WDR88: variants seen among roughly 807,000 people sequenced by gnomAD.
The protein encoded by WDR88 is WD repeat-containing protein 88.
A neutral mutation model predicts 46.8 loss-of-function variants in WDR88; 40 were observed. That is an observed-to-expected ratio of 0.86 (90% confidence interval 0.66 to 1.11). The LOEUF (loss-of-function observed/expected upper bound fraction) is 1.11, where lower values mean the gene tolerates loss of function less well. Among genes scored for constraint, WDR88 ranks in the 50% most tolerant of loss-of-function variants. WDR88 has a pLI of 0.00. For missense variants in WDR88, 562 were observed against 602.4 expected, an observed-to-expected ratio of 0.93 and a Z score of 0.70; for synonymous variants, 235 against 240.7, an observed-to-expected ratio of 0.98 and a Z score of 0.22.
At chr19:33,137,826 C>A (rs1248856198) in intron 2 of WDR88, 39 bp downstream of exon 2, 3 of 1,567,450 alleles carry the variant, frequency 1.9e-6, no homozygotes, top group South Asian at 2.2e-5. Context: ...GAGCGAAAAC[C>A]TTTCCTAAGC....
intron 9 of WDR88, among the ~76,000 whole-genome samples, chr19:33,167,219 A>C (rs552210740): frequency 6.6e-6 from 1 of 152,184 alleles, no homozygotes; most frequent in Non-Finnish European, 1.5e-5. Flanking sequence ...ATTTACCATG[A>C]CCAAGTGGGA....
chr19:33,175,388 C>T lies in WDR88; in HGVS notation c.1243-8C>T, dbSNP rs1974105605. On this transcript the variant is annotated splice_polypyrimidine_tract_variant and splice_region_variant and intron_variant, in intron 10 of 10. Coordinates refer to ENST00000355868, the MANE Select transcript of WDR88 (RefSeq NM_173479.4). ...TCCTTTCTGCTCTTTTAAAATATCC[C>T]ATGTCAGTGCGAAAGATGTGACAGG... 3 of 1,613,700 alleles carry T rather than the reference C, an allele frequency of 1.9e-6. No homozygotes were observed. The highest frequency in any genetic ancestry group is 2.5e-6 in the Non-Finnish European group (3 of 1,179,836).
intron 9 of WDR88, among the ~76,000 whole-genome samples, chr19:33,169,883 T>C (rs140269819): frequency 0.013 from 1,986 of 152,260 alleles, 51 homozygotes; most frequent in African/African-American, 0.045. Flanking sequence ...TATTTTATTT[T>C]ATTTTATTTT....
Position 33,151,323 on chromosome 19 carries a change from C to T in WDR88, c.809+13C>T, listed in dbSNP as rs1973630670. The T allele has an allele frequency of 1.9e-6, 3 of 1,609,752 alleles. No individual in the cohort carries two copies. Among genetic ancestry groups the T allele is most frequent in the African/African-American group, 2.7e-5 (2 of 74,840 alleles). On this transcript the variant is annotated intron_variant, in intron 6 of 10. Transcript: ENST00000355868. ...TCACCATCACTAAGTGAGTTGGACC[C>T]CAGGAGGCCAGAAGGGAGTTTGGGT...
intron 9 of WDR88, among the ~76,000 whole-genome samples, chr19:33,169,911 CTT>C (rs1050640010): frequency 2.2e-4 from 33 of 152,122 alleles, no homozygotes; most frequent in Admixed American, 7.9e-4. Flanking sequence ...GAGTTTCTCT[CTT>C]GTTGCCCAGG....
At chr19:33,161,251 T>TC (rs1568369091) in intron 8 of WDR88, among the ~76,000 whole-genome samples, 2 of 152,104 alleles carry the variant, frequency 1.3e-5, no homozygotes, top group Non-Finnish European at 2.9e-5. Flanking sequence ...CACAGAAAGC[T>TC]TGGGGTTCCA....
intron 3 of WDR88, among the ~76,000 whole-genome samples, chr19:33,146,115 G>T (rs1432135521): frequency 1.3e-5 from 2 of 152,006 alleles, no homozygotes; most frequent in African/African-American, 4.8e-5. Context: ...TGACCAACAT[G>T]GAGAAACCCC....
At chr19:33,172,476 T>C (rs974776170) in intron 10 of WDR88, 36 bp downstream of exon 10, 1 of 1,506,094 alleles carries the variant, frequency 6.6e-7, no homozygotes, top group Non-Finnish European at 9.2e-7. Context: ...AGTGAAGGCT[T>C]TCGTTAGTTC....
chr19:33,149,993 ATG>A (rs1973600599), intron 5 of WDR88, among the ~76,000 whole-genome samples: 1 of 152,016 alleles, frequency 6.6e-6, no homozygotes, highest in Non-Finnish European at 1.5e-5. Flanking sequence ...TAATTGTTGT[ATG>A]ACAGTTTCCT....
Position 33,151,224 on chromosome 19 carries a change from C to T in WDR88, c.723C>T (p.Asp241=), listed in dbSNP as rs749847617. ...TCACGTCATGCTGCTTTGACCCCGACAGCCAGAGGGTGGCTTCTGTCTCAT... is the reference window on the plus strand; with the variant it reads ...TCACGTCATGCTGCTTTGACCCCGATAGCCAGAGGGTGGCTTCTGTCTCAT... ...RSITSCCFDP[D]SQRVASVSLD... is the part of the protein sequence containing the mutation. Residue 241 remains aspartate (D), a synonymous_variant, in exon 6 of 11, where the codon GAC becomes GAT. Transcript: ENST00000355868. 6.2e-7 allele frequency: 1 copy of T among 1,613,886 alleles called. No homozygotes were observed. Among genetic ancestry groups the T allele is most frequent in the Admixed American group, 1.7e-5 (1 of 59,988 alleles).
At chr19:33,134,709 G>A (rs1267521314) in intron 1 of WDR88, among the ~76,000 whole-genome samples, 1 of 152,026 alleles carries the variant, frequency 6.6e-6, no homozygotes, top group Non-Finnish European at 1.5e-5. Context: ...AACTCCCCCG[G>A]AGAAAAGCCC....
chr19:33,163,364 T>C (rs576648016), intron 8 of WDR88, among the ~76,000 whole-genome samples: 1 of 150,602 alleles, frequency 6.6e-6, no homozygotes, highest in South Asian at 2.1e-4. Flanking sequence ...GGCATGGTGA[T>C]GGGCACCTGT....
At position 33,142,878 on chromosome 19, in the gene WDR88, A is replaced by AAAAAAAAAG. The variant is rs1289318961; in HGVS notation, c.388-1964_388-1963insAAAAAAGAA. On this transcript the variant is annotated intron_variant, in intron 2 of 10. Coordinates refer to ENST00000355868, the MANE Select transcript of WDR88 (RefSeq NM_173479.4). ...AAAAAAAAAAAAAAAAAAAAAAAAAAAAGGCCGGGGGGCGGGAATAACGTG... is the reference window on the plus strand; with the variant it reads ...AAAAAAAAAAAAAAAAAAAAAAAAAAAAAAAAAAGAAGGCCGGGGGGCGGGAATAACGTG... 61 of 142,948 alleles carry AAAAAAAAAG rather than the reference A, an allele frequency of 4.3e-4. 1 individual carries two copies. The highest frequency in any genetic ancestry group is 1.6e-3 in the African/African-American group (58 of 36,858). The allele number at this position is 142,948 out of a possible 1,614,324, so 8.9% of individuals were successfully genotyped here.
intron 7 of WDR88, among the ~76,000 whole-genome samples, chr19:33,159,292 C>A (rs1464491774): frequency 2.6e-5 from 4 of 151,470 alleles, no homozygotes; most frequent in Admixed American, 6.6e-5. Context: ...CTGATTGCAT[C>A]ACTGCACTCT....
intron 6 of WDR88, among the ~76,000 whole-genome samples, chr19:33,153,874 A>G (rs1376252213): frequency 6.6e-6 from 1 of 152,108 alleles, no homozygotes; most frequent in Non-Finnish European, 1.5e-5. Flanking sequence ...GCTGCTCTGA[A>G]GATATTTTTG....
At chr19:33,157,679 G>C in intron 7 of WDR88, among the ~76,000 whole-genome samples, 1 of 94,196 alleles carries the variant, frequency 1.1e-5, no homozygotes, top group East Asian at 8.6e-4. Context: ...GTGTGTGTGT[G>C]TATGTATGTA....
At chr19:33,136,952 G>T (rs1426630698) in intron 1 of WDR88, among the ~76,000 whole-genome samples, 1 of 151,336 alleles carries the variant, frequency 6.6e-6, no homozygotes, top group Non-Finnish European at 1.5e-5. Context: ...TTATTTAAAG[G>T]CAGGGTCTTG....
chr19:33,137,646 G>T, intron 1 of WDR88, 31 bp from the exon 2 acceptor site: 1 of 1,567,338 alleles, frequency 6.4e-7, no homozygotes, highest in Non-Finnish European at 8.8e-7. Context: ...CCTGCAACAT[G>T]TTTAGCTCAT....
intron 6 of WDR88, among the ~76,000 whole-genome samples, chr19:33,154,386 C>T (rs569436010): frequency 2.0e-5 from 3 of 152,102 alleles, no homozygotes; most frequent in African/African-American, 7.2e-5. Flanking sequence ...CCTCCCACCC[C>T]CTGACAGGCC....
Sources: allele counts gnomAD v4.1 joint callset (sites outside exome capture counted in the v4.1 genomes callset), GRCh38; gene constraint gnomAD v4.1.1; transcripts MANE v1.5; gene names NCBI Gene and HGNC (gene_info 2026-07-23, HGNC 2026-07-21).